Variants in ROBO1 observed in about 807,000 individuals in gnomAD.
ROBO1 encodes roundabout homolog 1.
ROBO1 carries 149 observed loss-of-function variants against 195.9 expected under a neutral mutation model. The observed-to-expected ratio is 0.76, with a 90% CI of 0.67 to 0.87. ROBO1 has a LOEUF of 0.87. ROBO1 is among the 40% of genes least tolerant of loss of function. ROBO1 has a pLI of 0.00. For synonymous variants in ROBO1, 816 were observed against 733.2 expected, an observed-to-expected ratio of 1.11 and a Z score of -1.82; for missense variants, 1,933 against 2,068.3, an observed-to-expected ratio of 0.93 and a Z score of 1.27.
At chr3:79,512,848 T>C (rs1940775841) in intron 2 of ROBO1, 1 of 152,106 alleles carries the variant, frequency 6.6e-6, no homozygotes, top group Admixed American at 6.6e-5. Context: ...AAAATATGAA[T>C]TGCTTTTCTT....
At chr3:78,812,921 C>G (rs2084785961) in intron 4 of ROBO1, among the ~76,000 whole-genome samples, 1 of 152,008 alleles carries the variant, frequency 6.6e-6, no homozygotes, top group South Asian at 2.1e-4. Context: ...AATTTAAAAA[C>G]TGACAAGAAT....
chr3:79,490,209 A>T (rs2107443690), intron 2 of ROBO1, among the ~76,000 whole-genome samples: 1 of 152,256 alleles, frequency 6.6e-6, no homozygotes, highest in South Asian at 2.1e-4. Flanking sequence ...TGTGTATGGT[A>T]TATGTGGCTG....
chr3:79,628,483 G>T (rs1355834682), intron 1 of ROBO1, among the ~76,000 whole-genome samples: 2 of 152,096 alleles, frequency 1.3e-5, no homozygotes, highest in Non-Finnish European at 2.9e-5. Flanking sequence ...GGGCCTGTTG[G>T]GGGATGAGGG....
chr3:79,729,291 T>C (rs1029752814), intron 1 of ROBO1, among the ~76,000 whole-genome samples: 10 of 152,128 alleles, frequency 6.6e-5, no homozygotes, highest in Non-Finnish European at 1.3e-4. Context: ...TTGGCCTAGC[T>C]CCAGGGAATG....
intron 23 of ROBO1, among the ~76,000 whole-genome samples, chr3:78,635,521 C>T (rs1334060133): frequency 1.3e-5 from 2 of 151,940 alleles, no homozygotes; most frequent in Non-Finnish European, 2.9e-5. Context: ...CAATCCCTCA[C>T]CTGCTATTAA....
At chr3:79,288,695 T>C (rs1409344617) in intron 2 of ROBO1, among the ~76,000 whole-genome samples, 1 of 152,168 alleles carries the variant, frequency 6.6e-6, no homozygotes, top group East Asian at 1.9e-4. Flanking sequence ...AGCTGCCCAG[T>C]AAAATGACCT....
At chr3:79,281,982 C>CT (rs2031550155) in intron 2 of ROBO1, among the ~76,000 whole-genome samples, 1 of 152,076 alleles carries the variant, frequency 6.6e-6, no homozygotes, top group Admixed American at 6.5e-5. Context: ...GTATTGAGCA[C>CT]TGAGTATGTG....
At chr3:78,764,680 T>C (rs980608529) in intron 4 of ROBO1, among the ~76,000 whole-genome samples, 3 of 152,262 alleles carry the variant, frequency 2.0e-5, no homozygotes, top group Admixed American at 6.5e-5. Flanking sequence ...ATTAAGCCCA[T>C]TCCTGTTACA....
intron 2 of ROBO1, among the ~76,000 whole-genome samples, chr3:79,497,763 A>T (rs1216698577): frequency 1.3e-5 from 2 of 152,176 alleles, no homozygotes; most frequent in African/African-American, 4.8e-5. Flanking sequence ...TTACTATTAC[A>T]ATTTTAAAAA....
Position 79,239,487 on chromosome 3 carries a change from C to A in ROBO1, c.89-113948G>T, listed in dbSNP as rs564980945. Among the ~76,000 whole-genome samples the A allele has an allele frequency of 5.3e-5, 8 of 152,270 alleles. No individual in the cohort carries two copies. In the South Asian group the frequency reaches 1.7e-3, roughly 32 times the overall value. Reference sequence around the variant, plus strand: ...TCTAAACATACGCTTCTAATTTCTTCATTTCCACAGCTTTTATATAATTAT... The same window carrying A: ...TCTAAACATACGCTTCTAATTTCTTAATTTCCACAGCTTTTATATAATTAT... On this transcript the variant is annotated intron_variant, in intron 2 of 30. Coordinates refer to ENST00000464233, the MANE Select transcript of ROBO1 (RefSeq NM_002941.4).
At chr3:79,739,739 T>C (rs1465348056) in intron 1 of ROBO1, among the ~76,000 whole-genome samples, 2 of 152,172 alleles carry the variant, frequency 1.3e-5, no homozygotes, top group Non-Finnish European at 2.9e-5. Context: ...GACCAGCCAC[T>C]CTTCAAAGCA....
chr3:79,096,543 T>G (rs183024779), intron 3 of ROBO1, among the ~76,000 whole-genome samples: 1 of 151,782 alleles, frequency 6.6e-6, no homozygotes, highest in Admixed American at 6.6e-5. Flanking sequence ...ATTACAACTC[T>G]CATTTCAGGC....
chr3:79,742,348 T>C lies in ROBO1; in HGVS notation c.-51+25404A>G, dbSNP rs78860103. ...TCCTGTTCTTTGCAGTCTCTGGACA[T>C]AGCGTCCTGGATCCCAGCTGCTCCA... On this transcript the variant is annotated intron_variant, in intron 1 of 30. Transcript: ENST00000464233. Among the ~76,000 whole-genome samples the C allele has an allele frequency of 5.7e-3, 861 of 152,332 alleles. 7 individuals carry two copies. The highest frequency in any genetic ancestry group is 0.018 in the African/African-American group (745 of 41,586).
chr3:78,862,659 A>G (rs2034924913), intron 4 of ROBO1, among the ~76,000 whole-genome samples: 1 of 152,236 alleles, frequency 6.6e-6, no homozygotes, highest in East Asian at 1.9e-4. Flanking sequence ...TAATCCATGA[A>G]AAGTCAACAA....
intron 3 of ROBO1, among the ~76,000 whole-genome samples, chr3:78,975,587 G>A (rs1187071437): frequency 2.0e-5 from 3 of 152,038 alleles, no homozygotes; most frequent in African/African-American, 7.2e-5. Flanking sequence ...CCACTGAGAG[G>A]AAATGAAAGA....
chr3:78,694,213 TTCTC>T (rs1173519896), intron 8 of ROBO1, among the ~76,000 whole-genome samples: 8 of 152,164 alleles, frequency 5.3e-5, no homozygotes, highest in East Asian at 3.9e-4. Flanking sequence ...GTTATTTCAT[TTCTC>T]TCTATTTTAT....
At chr3:79,447,549 T>G (rs1230294874) in intron 2 of ROBO1, among the ~76,000 whole-genome samples, 1 of 152,220 alleles carries the variant, frequency 6.6e-6, no homozygotes, top group African/African-American at 2.4e-5. Flanking sequence ...TTCCTTGCTT[T>G]ATATCTTAGA....
intron 10 of ROBO1, among the ~76,000 whole-genome samples, chr3:78,673,823 T>C (rs1708240509): frequency 5.9e-5 from 9 of 151,488 alleles, no homozygotes; most frequent in Admixed American, 5.9e-4. Flanking sequence ...ATTGATTAGT[T>C]CACGTACAAA....
chr3:79,116,440 TCCTTTC>T (rs971536067), intron 3 of ROBO1, among the ~76,000 whole-genome samples: 9 of 150,918 alleles, frequency 6.0e-5, no homozygotes, highest in Admixed American at 1.3e-4. Flanking sequence ...TCCTTTCCTT[TCCTTTC>T]CCTTTCCCTT....
Sources: allele counts gnomAD v4.1 joint callset (sites outside exome capture counted in the v4.1 genomes callset), GRCh38; gene constraint gnomAD v4.1.1; transcripts MANE v1.5; gene names NCBI Gene and HGNC (gene_info 2026-07-23, HGNC 2026-07-21).